Variants in MINDY4 observed in about 807,000 individuals in gnomAD.
MINDY4 encodes MINDY lysine 48 deubiquitinase 4.
MINDY4 carries 68 observed loss-of-function variants against 87.0 expected under a neutral mutation model. The ratio of observed to expected loss-of-function variants is 0.78; its 90% CI spans 0.64 to 0.96. MINDY4 has a LOEUF of 0.96. Among genes scored for constraint, MINDY4 ranks in the 40% least tolerant of loss-of-function variants. The pLI, the probability that MINDY4 is intolerant of heterozygous loss-of-function variation, is 0.00. For missense variants in MINDY4, 919 were observed against 928.2 expected, an observed-to-expected ratio of 0.99 and a Z score of 0.13; for synonymous variants, 379 against 363.2, an observed-to-expected ratio of 1.04 and a Z score of -0.50.
chr7:30,875,323 T>C lies in MINDY4; in HGVS notation c.1810-172T>C, dbSNP rs1033307355. Among the ~76,000 whole-genome samples, 3 of 152,228 alleles carry C rather than the reference T, an allele frequency of 2.0e-5. No homozygotes were observed. The East Asian group carries it at 5.8e-4, about 29-fold the overall frequency. On this transcript the variant is annotated intron_variant, in intron 14 of 17. Coordinates refer to ENST00000265299, the MANE Select transcript of MINDY4 (RefSeq NM_032222.3). ...TACCTTGATGAGAAAAGTTGGTGCC[T>C]TTCCCACAGGACTTGTGGGAGAATT...
intron 9 of MINDY4, among the ~76,000 whole-genome samples, chr7:30,843,952 G>T (rs1211737471): frequency 2.0e-5 from 3 of 152,210 alleles, no homozygotes; most frequent in Non-Finnish European, 2.9e-5. Context: ...ACCAGAGGAG[G>T]TCTGTGCCAT....
At chr7:30,876,483 A>C (rs1179380057) in intron 15 of MINDY4, among the ~76,000 whole-genome samples, 2 of 152,158 alleles carry the variant, frequency 1.3e-5, no homozygotes, top group Non-Finnish European at 2.9e-5. Context: ...GTTTGTTGGC[A>C]TGTGGTCCCT....
At chr7:30,800,482 A>G (rs1787616458) in intron 5 of MINDY4, among the ~76,000 whole-genome samples, 1 of 152,152 alleles carries the variant, frequency 6.6e-6, no homozygotes, top group Non-Finnish European at 1.5e-5. Context: ...TAGCCCAGGT[A>G]GGCACTGGGG....
At chr7:30,845,712 C>T (rs935945509) in intron 9 of MINDY4, among the ~76,000 whole-genome samples, 6 of 152,108 alleles carry the variant, frequency 3.9e-5, no homozygotes, top group Admixed American at 3.9e-4. Context: ...TGTTGCCCAC[C>T]ACATCTGGTG....
intron 12 of MINDY4, chr7:30,858,667 A>G (rs1402306389): frequency 6.4e-6 from 1 of 156,466 alleles, no homozygotes; most frequent in Admixed American, 6.0e-5. Context: ...ATATATATAT[A>G]TATAAATTTA....
Position 30,791,413 on chromosome 7 carries a change from C to A in MINDY4, c.912C>A (p.Ala304=). 2.5e-6 allele frequency: 4 copies of A among 1,614,158 alleles called. No individual in the cohort carries two copies. The highest frequency in any genetic ancestry group is 3.4e-6 in the Non-Finnish European group (4 of 1,180,026). The change falls in exon 5 of 18, where the codon GCC becomes GCA. Residue 304 remains alanine (A), a synonymous_variant. Transcript: ENST00000265299. ...AACGGCTGCCCCCATGGGACAGGGC[C>A]AGGCCGAGGGATCCCTCCGAGGACA... ...PSKRLPPWDR[A]RPRDPSEDTP...
chr7:30,801,468 T>G, intron 5 of MINDY4, among the ~76,000 whole-genome samples: 1 of 152,136 alleles, frequency 6.6e-6, no homozygotes, highest in African/African-American at 2.4e-5. Context: ...TGGATACAGC[T>G]GTCCTCCACA....
chr7:30,882,624 C>T (rs966712156), intron 16 of MINDY4, among the ~76,000 whole-genome samples: 3 of 152,200 alleles, frequency 2.0e-5, no homozygotes, highest in Non-Finnish European at 2.9e-5. Context: ...GAATACTATG[C>T]TGACAAGTTT....
intron 13 of MINDY4, among the ~76,000 whole-genome samples, chr7:30,860,205 G>A (rs1789706849): frequency 6.6e-6 from 1 of 152,068 alleles, no homozygotes; most frequent in Non-Finnish European, 1.5e-5. Flanking sequence ...TAGCCTTGTG[G>A]TGCCCAGGGG....
At chr7:30,864,975 C>T (rs974982290) in intron 13 of MINDY4, among the ~76,000 whole-genome samples, 13 of 152,176 alleles carry the variant, frequency 8.5e-5, no homozygotes, top group Non-Finnish European at 2.9e-5. Flanking sequence ...GGCTGTTCCC[C>T]TTGAGAATCA....
intron 12 of MINDY4, 103 bp downstream of exon 12, chr7:30,853,562 C>A: frequency 1.9e-6 from 2 of 1,037,844 alleles, no homozygotes; most frequent in South Asian, 1.4e-5. Context: ...GTCGTCCCAC[C>A]CTGGGATGGC....
At chr7:30,887,818 G>T (rs1390159884) in intron 17 of MINDY4, among the ~76,000 whole-genome samples, 1 of 152,224 alleles carries the variant, frequency 6.6e-6, no homozygotes, top group African/African-American at 2.4e-5. Flanking sequence ...TCTGCAAAGA[G>T]GAATCTGGAT....
At chr7:30,852,776 G>A (rs62449095) in intron 11 of MINDY4, among the ~76,000 whole-genome samples, 39,723 of 152,160 alleles carry the variant, frequency 0.26, 6,703 homozygotes, top group African/African-American at 0.47. Context: ...AAATATAAGA[G>A]CAGTGAAGTT....
At chr7:30,809,904 G>T (rs934890933) in intron 5 of MINDY4, among the ~76,000 whole-genome samples, 1 of 152,180 alleles carries the variant, frequency 6.6e-6, no homozygotes, top group African/African-American at 2.4e-5. Flanking sequence ...TAGGCCGGGC[G>T]CAGTGGCTCA....
At chr7:30,877,391 T>C (rs1250981375) in intron 15 of MINDY4, among the ~76,000 whole-genome samples, 1 of 152,154 alleles carries the variant, frequency 6.6e-6, no homozygotes, top group Non-Finnish European at 1.5e-5. Flanking sequence ...GTAATAAAAT[T>C]GAAGAAATTC....
At chr7:30,853,560 ACCCT>A in intron 12 of MINDY4, 101 bp downstream of exon 12, 7 of 1,076,198 alleles carry the variant, frequency 6.5e-6, no homozygotes, top group Non-Finnish European at 8.4e-6. Context: ...CTGTCGTCCC[ACCCT>A]GGGATGGCGA....
intron 6 of MINDY4, 95 bp downstream of exon 6, chr7:30,828,832 C>A: frequency 8.5e-7 from 1 of 1,177,068 alleles, no homozygotes; most frequent in African/African-American, 1.5e-5. Flanking sequence ...GGCCCCTTTC[C>A]TTCCACCTGA....
chr7:30,804,019 G>A (rs1389747673), intron 5 of MINDY4, among the ~76,000 whole-genome samples: 1 of 152,190 alleles, frequency 6.6e-6, no homozygotes, highest in Non-Finnish European at 1.5e-5. Context: ...CTGGAGTACT[G>A]GGTGTATGCC....
At chr7:30,809,337 C>G (rs1469162267) in intron 5 of MINDY4, among the ~76,000 whole-genome samples, 1 of 128,838 alleles carries the variant, frequency 7.8e-6, no homozygotes, top group Non-Finnish European at 1.6e-5. Flanking sequence ...GAGGAAACCT[C>G]ATTGTGAGCA....
Sources: allele counts gnomAD v4.1 joint callset (sites outside exome capture counted in the v4.1 genomes callset), GRCh38; gene constraint gnomAD v4.1.1; transcripts MANE v1.5; gene names NCBI Gene and HGNC (gene_info 2026-07-23, HGNC 2026-07-21).